Variants in KIAA1328 observed in about 807,000 individuals in gnomAD.
KIAA1328 encodes protein hinderin.
In KIAA1328, 52 loss-of-function variants were observed where a neutral mutation model predicts 68.1. The observed-to-expected ratio is 0.76, with a 90% CI of 0.61 to 0.96. The LOEUF (loss-of-function observed/expected upper bound fraction) is 0.96. Ranked by LOEUF, KIAA1328 falls within the 40% of genes least tolerant of loss-of-function variation. The pLI is 0.00. For missense variants in KIAA1328, 641 were observed against 677.6 expected (o/e 0.95, Z 0.60); for synonymous variants, 232 against 239.4 (o/e 0.97, Z 0.28).
rs2060593588 is a variant in KIAA1328, at chr18:37,223,077, C to T, written c.*850C>T. 3 of 971,018 alleles carry T rather than the reference C, an allele frequency of 3.1e-6. No individual in the cohort carries two copies. Among genetic ancestry groups the T allele is most frequent in the Non-Finnish European group, 3.6e-6 (3 of 823,490 alleles). The allele number at this position is 971,018 out of a possible 1,614,324, so 60.2% of individuals were successfully genotyped here. Reference sequence around the variant, plus strand: ...ACCCCCCCACCCCCCATCACACGTGCTCCTGTGAACTTTCCATGGTTATGT... The same window carrying T: ...ACCCCCCCACCCCCCATCACACGTGTTCCTGTGAACTTTCCATGGTTATGT... On this transcript the variant is annotated 3_prime_UTR_variant, in exon 10 of 10. Transcript: ENST00000280020.
chr18:36,952,590 A>G (rs913574880), intron 5 of KIAA1328, among the ~76,000 whole-genome samples: 6 of 152,216 alleles, frequency 3.9e-5, no homozygotes, highest in African/African-American at 1.4e-4. Context: ...TACCAGAGTT[A>G]CGATTTGAGC....
chr18:36,881,475 T>A (rs1239252431), intron 4 of KIAA1328, among the ~76,000 whole-genome samples: 1 of 152,174 alleles, frequency 6.6e-6, no homozygotes, highest in East Asian at 1.9e-4. Context: ...AGGTCATTCC[T>A]TAGTAGGAAT....
intron 5 of KIAA1328, among the ~76,000 whole-genome samples, chr18:36,913,009 T>C (rs2049518916): frequency 6.6e-6 from 1 of 152,202 alleles, no homozygotes; most frequent in Admixed American, 6.5e-5. Context: ...GATTTGAGGG[T>C]CCACACTTGT....
intron 6 of KIAA1328, among the ~76,000 whole-genome samples, chr18:37,061,994 A>G (rs1013781548): frequency 6.6e-6 from 1 of 152,210 alleles, no homozygotes; most frequent in Non-Finnish European, 1.5e-5. Flanking sequence ...AATGGGAAAC[A>G]TTCTTTTGAA....
intron 4 of KIAA1328, among the ~76,000 whole-genome samples, chr18:36,879,850 A>G (rs1251534602): frequency 6.6e-6 from 1 of 152,118 alleles, no homozygotes; most frequent in Non-Finnish European, 1.5e-5. Flanking sequence ...TTGCCTACTC[A>G]AGCCTCAGTA....
intron 4 of KIAA1328, among the ~76,000 whole-genome samples, chr18:36,885,137 TTTTG>T (rs894467252): frequency 1.3e-5 from 2 of 152,286 alleles, no homozygotes; most frequent in African/African-American, 4.8e-5. Flanking sequence ...AAAGTACATA[TTTTG>T]TTTATTTTAT....
At chr18:37,201,876 A>C (rs1482704987) in intron 9 of KIAA1328, among the ~76,000 whole-genome samples, 1 of 152,200 alleles carries the variant, frequency 6.6e-6, no homozygotes, top group African/African-American at 2.4e-5. Flanking sequence ...CTGTATTGAC[A>C]AGGTACTGGA....
intron 9 of KIAA1328, among the ~76,000 whole-genome samples, chr18:37,210,332 A>G (rs1297504185): frequency 6.6e-6 from 1 of 152,094 alleles, no homozygotes; most frequent in Non-Finnish European, 1.5e-5. Flanking sequence ...AATTAATGCC[A>G]CTCCAGCTTG....
intron 4 of KIAA1328, among the ~76,000 whole-genome samples, chr18:36,878,643 G>A (rs1206294894): frequency 6.6e-6 from 1 of 152,106 alleles, no homozygotes; most frequent in African/African-American, 2.4e-5. Context: ...ATCACTTTCA[G>A]GTACACCAAT....
chr18:37,052,681 A>G (rs142175276), intron 6 of KIAA1328, among the ~76,000 whole-genome samples: 22 of 152,328 alleles, frequency 1.4e-4, no homozygotes, highest in Admixed American at 5.2e-4. Flanking sequence ...AAAAACCAAT[A>G]GCATTTCTAT....
intron 7 of KIAA1328, among the ~76,000 whole-genome samples, chr18:37,110,354 A>G (rs867092582): frequency 6.6e-6 from 1 of 152,360 alleles, no homozygotes; most frequent in Middle Eastern, 3.4e-3. Flanking sequence ...ATAGAAGCCA[A>G]AAGTATTTTA....
In KIAA1328 at chr18:36,841,534, T is replaced by C. The variant is rs565276427; in HGVS notation, c.238-2674T>C. Among the ~76,000 whole-genome samples, 22 of 152,154 alleles carry C rather than the reference T, an allele frequency of 1.4e-4. No individual in the cohort carries two copies. In the South Asian group the frequency reaches 4.6e-3, roughly 32 times the overall value. ...CCTTTCCTCATCATGTTTTCTTCTT[T>C]GGTAATTCGTATCCTGAACTTTATA... On this transcript the variant is annotated intron_variant, in intron 3 of 9. Coordinates refer to ENST00000280020, the MANE Select transcript of KIAA1328 (RefSeq NM_020776.3).
At chr18:36,910,283 T>G (rs889518073) in intron 5 of KIAA1328, among the ~76,000 whole-genome samples, 6 of 152,184 alleles carry the variant, frequency 3.9e-5, no homozygotes, top group African/African-American at 1.4e-4. Context: ...TAATCCATCT[T>G]GAATTAATTT....
chr18:36,831,639 G>A (rs1147765), intron 1 of KIAA1328, among the ~76,000 whole-genome samples: 59,825 of 151,974 alleles, frequency 0.39, 13,646 homozygotes, highest in African/African-American at 0.63. Context: ...AAACATTGCA[G>A]TATAATCTCT....
At chr18:37,022,597 A>G (rs1386635947) in intron 6 of KIAA1328, among the ~76,000 whole-genome samples, 1 of 152,160 alleles carries the variant, frequency 6.6e-6, no homozygotes, top group African/African-American at 2.4e-5. Context: ...TAAATTGCAT[A>G]TATCTTCCAA....
intron 5 of KIAA1328, among the ~76,000 whole-genome samples, chr18:36,944,496 G>A (rs1394131011): frequency 2.6e-5 from 4 of 152,076 alleles, no homozygotes; most frequent in East Asian, 1.9e-4. Context: ...GGAGAATGGC[G>A]TGAACCCGGG....
rs148435878 is a variant in KIAA1328, at chr18:36,893,862, G to A, written c.448+8190G>A. 7.9e-4 allele frequency among the ~76,000 whole-genome samples: 120 copies of A among 152,162 alleles called. 2 individuals carry two copies. The East Asian group carries it at 9.5e-3, about 12-fold the overall frequency. Reference sequence around the variant, plus strand: ...GCCCACTTAGATATATCTCAAGGACGTCATATATTAAATACAACATGGTAT... The same window carrying A: ...GCCCACTTAGATATATCTCAAGGACATCATATATTAAATACAACATGGTAT... On this transcript the variant is annotated intron_variant, in intron 5 of 9. Coordinates refer to ENST00000280020, the MANE Select transcript of KIAA1328 (RefSeq NM_020776.3).
At chr18:37,143,367 C>T (rs1406783307) in intron 7 of KIAA1328, among the ~76,000 whole-genome samples, 1 of 152,052 alleles carries the variant, frequency 6.6e-6, no homozygotes, top group African/African-American at 2.4e-5. Flanking sequence ...TTTTTGAAGA[C>T]TTAGTTTATA....
chr18:36,983,937 G>C (rs935179682), intron 6 of KIAA1328, among the ~76,000 whole-genome samples: 1 of 152,022 alleles, frequency 6.6e-6, no homozygotes, highest in East Asian at 1.9e-4. Flanking sequence ...CAGGAATACA[G>C]GTTTAATTTA....
Sources: gnomAD v4.1 joint callset for allele counts (sites outside exome capture counted in the v4.1 genomes callset) on GRCh38, gnomAD v4.1.1 for gene constraint, MANE v1.5 for transcripts, NCBI Gene and HGNC (gene_info 2026-07-23, HGNC 2026-07-21) for gene names.